Variants in PDE12 observed in about 807,000 individuals in gnomAD.
The protein encoded by PDE12 is 2',5'-phosphodiesterase 12.
A neutral mutation model predicts 45.4 loss-of-function variants in PDE12; 26 were observed. The ratio of observed to expected loss-of-function variants is 0.57; its 90% CI spans 0.42 to 0.79. The LOEUF (loss-of-function observed/expected upper bound fraction) is 0.79. Among genes scored for constraint, PDE12 ranks in the 30% least tolerant of loss-of-function variants. The pLI, the probability that PDE12 is intolerant of heterozygous loss-of-function variation, is 0.00. For synonymous variants in PDE12, 283 were observed against 323.9 expected (o/e 0.87, Z 1.36); for missense variants, 668 against 790.0 (o/e 0.85, Z 1.85).
the PDE12 span, chr3:57,633,296 A>C: frequency 6.2e-7 from 1 of 1,613,624 alleles, no homozygotes; most frequent in Non-Finnish European, 8.5e-7. Context: ...TGTCAGTTCC[A>C]AAAAATAGCG....
intron 1 of PDE12, 138 bp from the exon 2 acceptor site, chr3:57,559,172 G>A (rs941715730): frequency 1.4e-5 from 9 of 640,110 alleles, no homozygotes; most frequent in African/African-American, 5.5e-5. Flanking sequence ...AGTGAGCCGA[G>A]ATCGCGCTAC....
At chr3:57,586,937 A>AG in the PDE12 span, among the ~76,000 whole-genome samples, 8 of 152,240 alleles carry the variant, frequency 5.3e-5, no homozygotes, top group East Asian at 1.5e-3. Flanking sequence ...ACGCTGATTA[A>AG]GAAACACACA....
the PDE12 span, among the ~76,000 whole-genome samples, chr3:57,656,232 T>C: frequency 6.6e-6 from 1 of 152,236 alleles, no homozygotes; most frequent in Non-Finnish European, 1.5e-5. Flanking sequence ...TCTGTCCCTA[T>C]AGTTTTATCT....
the PDE12 span, among the ~76,000 whole-genome samples, chr3:57,573,100 G>A: frequency 6.6e-6 from 1 of 151,506 alleles, no homozygotes; most frequent in African/African-American, 2.4e-5. Flanking sequence ...TACTCAGGAG[G>A]CTGAGGCAGG....
At chr3:57,641,425 C>G in the PDE12 span, among the ~76,000 whole-genome samples, 1 of 146,430 alleles carries the variant, frequency 6.8e-6, no homozygotes, top group African/African-American at 2.5e-5. Flanking sequence ...TATTATTATT[C>G]TATAATAATA....
the PDE12 span, among the ~76,000 whole-genome samples, chr3:57,628,616 T>C: frequency 6.6e-6 from 1 of 152,228 alleles, no homozygotes; most frequent in Non-Finnish European, 1.5e-5. Flanking sequence ...TACATAACGT[T>C]AGAATAATAT....
the PDE12 span, among the ~76,000 whole-genome samples, chr3:57,638,954 C>G: frequency 6.6e-6 from 1 of 152,012 alleles, no homozygotes; most frequent in African/African-American, 2.4e-5. Flanking sequence ...AAAAATTAGC[C>G]AGGCGTGGTG....
chr3:57,619,647 G>A, the PDE12 span: 1 of 151,564 alleles, frequency 6.6e-6, no homozygotes, highest in Admixed American at 6.6e-5. Context: ...GAGGTCAGGA[G>A]ATGGAGACCA....
the PDE12 span, chr3:57,646,468 T>A: frequency 5.1e-6 from 8 of 1,581,260 alleles, no homozygotes; most frequent in Non-Finnish European, 6.9e-6. Context: ...AGAAATACTT[T>A]TTAATGTAGC....
Position 57,559,807 on chromosome 3 carries a change from G to GA in PDE12, c.1633_1634insA (p.Gly545GlufsTer2). On this transcript the variant is annotated frameshift_variant, in exon 3 of 3. Transcript: ENST00000311180. LOFTEE classifies it high-confidence loss of function. Reference sequence around the variant, plus strand: ...TTTCTTCAAGCTGAAAAGTGCTTGTGGTGAACCTGCTTACACAAATTATGT... The same window carrying GA: ...TTTCTTCAAGCTGAAAAGTGCTTGTGAGTGAACCTGCTTACACAAATTATGT... The GA allele has an allele frequency of 6.2e-7, 1 of 1,614,148 alleles. No individual in the cohort carries two copies. The highest frequency in any genetic ancestry group is 8.5e-7 in the Non-Finnish European group (1 of 1,180,014).
chr3:57,579,253 C>CAAAAAAA, the PDE12 span, among the ~76,000 whole-genome samples: 214 of 47,376 alleles, frequency 4.5e-3, 10 homozygotes, highest in African/African-American at 8.0e-3. Flanking sequence ...AACTACATCT[C>CAAAAAAA]AAAAAAAAAA....
At chr3:57,648,723 G>A in the PDE12 span, among the ~76,000 whole-genome samples, 3 of 152,126 alleles carry the variant, frequency 2.0e-5, no homozygotes, top group Non-Finnish European at 2.9e-5. Flanking sequence ...AATGCTTACA[G>A]TCAACTGATC....
rs2069738888 is a variant in PDE12, at chr3:57,562,580, T to A, written c.*2576T>A. 6.6e-6 allele frequency: 1 copy of A among 152,238 alleles called. No individual in the cohort carries two copies. Among genetic ancestry groups the A allele is most frequent in the Non-Finnish European group, 1.5e-5 (1 of 68,036 alleles). The allele number at this position is 152,238 out of a possible 1,614,324, so 9.4% of individuals were successfully genotyped here. A position where few individuals can be genotyped will look rare whatever the true frequency, so the allele number is the denominator to read the frequency against. ...ATTACATTTGGATTTTTTAGTACAT[T>A]TAATTTTAAGAAAACATGGGAAATC... On this transcript the variant is annotated 3_prime_UTR_variant, in exon 3 of 3. Coordinates refer to ENST00000311180, the MANE Select transcript of PDE12 (RefSeq NM_177966.7).
the PDE12 span, among the ~76,000 whole-genome samples, chr3:57,602,104 G>A: frequency 6.6e-6 from 1 of 151,982 alleles, no homozygotes; most frequent in Admixed American, 6.6e-5. Context: ...TATAAATAGC[G>A]GTACTATTTA....
the PDE12 span, among the ~76,000 whole-genome samples, chr3:57,589,987 A>G: frequency 6.6e-6 from 1 of 150,560 alleles, no homozygotes; most frequent in Non-Finnish European, 1.5e-5. Flanking sequence ...GCTACTCGGG[A>G]GGCTGAGGCA....
rs952537807 is a variant in PDE12 at position 57,564,056 on chromosome 3, T to G, written c.*4052T>G. ...AACTTCGTGATTTTATTTTTCTTCTTAGCACTAACTTCAAAATAACCATAC... is the reference window on the plus strand; with the variant it reads ...AACTTCGTGATTTTATTTTTCTTCTGAGCACTAACTTCAAAATAACCATAC... On this transcript the variant is annotated 3_prime_UTR_variant, in exon 3 of 3. Coordinates refer to ENST00000311180, the MANE Select transcript of PDE12 (RefSeq NM_177966.7). 1 of 152,222 alleles carries G rather than the reference T, an allele frequency of 6.6e-6. No homozygotes were observed. The highest frequency in any genetic ancestry group is 2.4e-5 in the African/African-American group (1 of 41,460). 9.4% of individuals were successfully genotyped at this position (152,222 alleles called of 1,614,324 possible). A position where few individuals can be genotyped will look rare whatever the true frequency, so the allele number is the denominator to read the frequency against.
At chr3:57,571,046 T>C (rs1445715819), downstream of PDE12, among the ~76,000 whole-genome samples, 2 of 151,432 alleles carry the variant, frequency 1.3e-5, no homozygotes, top group Non-Finnish European at 2.9e-5. Context: ...TCTTACTACA[T>C]TGCCAAAGCT....
chr3:57,607,601 T>C, the PDE12 span, among the ~76,000 whole-genome samples: 1 of 152,134 alleles, frequency 6.6e-6, no homozygotes, highest in African/African-American at 2.4e-5. Flanking sequence ...ATGCACAAGC[T>C]TCAGTAGCCG....
At chr3:57,637,846 T>C in the PDE12 span, among the ~76,000 whole-genome samples, 4 of 151,014 alleles carry the variant, frequency 2.6e-5, no homozygotes, top group Admixed American at 6.6e-5. Flanking sequence ...TATAAACTCC[T>C]GTGCACAGGC....
Sources: gnomAD v4.1 joint callset for allele counts (sites outside exome capture counted in the v4.1 genomes callset) on GRCh38, gnomAD v4.1.1 for gene constraint, MANE v1.5 for transcripts, NCBI Gene and HGNC (gene_info 2026-07-23, HGNC 2026-07-21) for gene names.